The following MAOA variants were observed in gnomAD, a reference collection of about 807,000 sequenced individuals.
MAOA encodes monoamine oxidase A.
Under a neutral mutation model 42.0 loss-of-function variants are expected in MAOA, and 6 were observed. That is an observed-to-expected ratio of 0.14 (90% CI 0.08 to 0.28). The LOEUF (loss-of-function observed/expected upper bound fraction) is 0.28, where lower values mean the gene tolerates loss of function less well. Ranked by LOEUF, MAOA falls within the 10% of genes least tolerant of loss-of-function variation. MAOA has a pLI of 1.00. For missense variants in MAOA, 262 were observed against 422.3 expected, an observed-to-expected ratio of 0.62 and a Z score of 3.33; for synonymous variants, 140 against 154.0, an observed-to-expected ratio of 0.91 and a Z score of 0.67.
intron 1 of MAOA, among the ~76,000 whole-genome samples, chrX:43,663,454 A>G (rs1345611541): frequency 8.9e-6 from 1 of 112,069 alleles, no homozygotes; most frequent in Non-Finnish European, 1.9e-5. Context: ...TCCAAGGGTT[A>G]TAGAATGGTG....
intron 3 of MAOA, among the ~76,000 whole-genome samples, chrX:43,693,783 A>G (rs1278469210): frequency 5.7e-5 from 6 of 104,400 alleles, no homozygotes. Context: ...AGACATGTAC[A>G]CACACACACA....
At chrX:43,717,849 AG>A (rs1035009397) in intron 5 of MAOA, among the ~76,000 whole-genome samples, 8 of 107,919 alleles carry the variant, frequency 7.4e-5, no homozygotes, top group Non-Finnish European at 1.3e-4. Context: ...GAATTTGGGG[AG>A]GGGGGGAATG....
At chrX:43,661,826 T>A (rs1391155345) in intron 1 of MAOA, among the ~76,000 whole-genome samples, 2 of 111,454 alleles carry the variant, frequency 1.8e-5, no homozygotes, top group Non-Finnish European at 3.8e-5. Flanking sequence ...CCAAATAGTG[T>A]TTAAGCAATA....
intron 1 of MAOA, among the ~76,000 whole-genome samples, chrX:43,682,234 T>C (rs1171919499): frequency 1.8e-5 from 2 of 111,508 alleles, no homozygotes; most frequent in Non-Finnish European, 3.8e-5. Flanking sequence ...CCAGTAGCAA[T>C]GAGCACACCT....
intron 14 of MAOA, 63 bp downstream of exon 14, chrX:43,744,234 T>C (rs1237662462): frequency 8.9e-7 from 1 of 1,120,554 alleles, no homozygotes; most frequent in Non-Finnish European, 1.2e-6. Context: ...AAAACTCACA[T>C]CTCCCTTCTT....
intron 2 of MAOA, among the ~76,000 whole-genome samples, chrX:43,685,125 G>T (rs1243537605): frequency 9.1e-6 from 1 of 110,495 alleles, no homozygotes; most frequent in East Asian, 2.8e-4. Flanking sequence ...TGATCCACTG[G>T]CCTTGAAGCC....
At chrX:43,672,628 A>T (rs941931994) in intron 1 of MAOA, among the ~76,000 whole-genome samples, 2 of 111,528 alleles carry the variant, frequency 1.8e-5, no homozygotes, top group Admixed American at 9.5e-5. Context: ...ATCAATACCT[A>T]ATTTATTGAG....
At chrX:43,735,813 G>A (rs927707925) in intron 9 of MAOA, among the ~76,000 whole-genome samples, 20 of 112,568 alleles carry the variant, frequency 1.8e-4, no homozygotes, top group African/African-American at 6.5e-4. Flanking sequence ...TGGTCCCAAA[G>A]GGAGCCTGGG....
chrX:43,712,505 A>G (rs150016627), intron 4 of MAOA, among the ~76,000 whole-genome samples, 200 bp from the exon 5 acceptor site: 157 of 111,657 alleles, frequency 1.4e-3, no homozygotes, highest in Non-Finnish European at 2.4e-3. Context: ...TATCACTACT[A>G]TTATTGTTTT....
At chrX:43,736,044 G>A (rs901909745) in intron 9 of MAOA, among the ~76,000 whole-genome samples, 183 bp from the exon 10 acceptor site, 2 of 108,990 alleles carry the variant, frequency 1.8e-5, no homozygotes, top group Non-Finnish European at 3.8e-5. Flanking sequence ...TCACAGCCTA[G>A]CAGGGGTTTT....
At chrX:43,711,788 G>GA in intron 3 of MAOA, 84 bp from the exon 4 acceptor site, 2 of 696,478 alleles carry the variant, frequency 2.9e-6, no homozygotes, top group South Asian at 4.3e-5. Flanking sequence ...GTCTTAGGTT[G>GA]GTTGCTTTTT....
chrX:43,697,016 A>G (rs1464938811), intron 3 of MAOA, among the ~76,000 whole-genome samples: 1 of 111,449 alleles, frequency 9.0e-6, no homozygotes, highest in East Asian at 2.8e-4. Context: ...TACCTCCCCT[A>G]CTGAGCTCCC....
rs142152314 is a variant in MAOA at position 43,712,095 on chromosome X, G to A, written c.411+119G>A. The A allele has an allele frequency of 3.3e-4, 192 of 574,152 alleles. No individual in the cohort carries two copies. The East Asian group carries it at 4.4e-3, about 13-fold the overall frequency. 47.3% of individuals were successfully genotyped at this position (574,152 alleles called of 1,213,427 possible). A position where few individuals can be genotyped will look rare whatever the true frequency, so the allele number is the denominator to read the frequency against. ...GACACCAATGCATATCATTTCCCAT[G>A]TACCCAAACTGCAAAGTTGGTCGTA... On this transcript the variant is annotated intron_variant, in intron 4 of 14. Coordinates refer to ENST00000338702, the MANE Select transcript of MAOA (RefSeq NM_000240.4).
Position 43,677,401 on chromosome X carries a change from C to G in MAOA, c.74-6112C>G, listed in dbSNP as rs144369137. 9.9e-3 allele frequency among the ~76,000 whole-genome samples: 1,106 copies of G among 111,615 alleles called. 16 individuals carry two copies. The highest frequency in any genetic ancestry group is 0.034 in the African/African-American group (1,048 of 30,720). ...TGAGGTTGCCATGGTAACACCACTG[C>G]TGGCTGCATACAACATCTCACCCAG... On this transcript the variant is annotated intron_variant, in intron 1 of 14. Coordinates refer to ENST00000338702, the MANE Select transcript of MAOA (RefSeq NM_000240.4).
chrX:43,695,191 T>C (rs1370245760), intron 3 of MAOA, among the ~76,000 whole-genome samples: 1 of 111,837 alleles, frequency 8.9e-6, no homozygotes, highest in Non-Finnish European at 1.9e-5. Context: ...ACCTCCAATG[T>C]TTGTTTGTCC....
chrX:43,720,791 TG>T (rs1311309381), intron 5 of MAOA, among the ~76,000 whole-genome samples: 1 of 25,119 alleles, frequency 4.0e-5, no homozygotes, highest in Admixed American at 5.2e-4. Context: ...GGTTGTGGGG[TG>T]GGGGAGGGGG....
intron 1 of MAOA, among the ~76,000 whole-genome samples, chrX:43,664,712 C>G (rs982481195): frequency 5.2e-4 from 58 of 111,853 alleles, no homozygotes; most frequent in African/African-American, 1.9e-3. Context: ...AAATATTTGT[C>G]AATTGTGCAT....
intron 1 of MAOA, among the ~76,000 whole-genome samples, chrX:43,657,156 T>TTA (rs1172612833): frequency 1.1e-5 from 1 of 91,443 alleles, no homozygotes; most frequent in East Asian, 3.5e-4. Flanking sequence ...TGAACTGTGT[T>TTA]TATATATATA....
At chrX:43,657,122 A>G (rs866858489) in intron 1 of MAOA, among the ~76,000 whole-genome samples, 3 of 70,651 alleles carry the variant, frequency 4.2e-5, no homozygotes, top group Admixed American at 3.2e-4. Context: ...GTGTGTGTGT[A>G]TGAACTGTGT....
Sources: allele counts gnomAD v4.1 joint callset (sites outside exome capture counted in the v4.1 genomes callset), GRCh38; gene constraint gnomAD v4.1.1; transcripts MANE v1.5; gene names NCBI Gene and HGNC (gene_info 2026-07-23, HGNC 2026-07-21).